ZFP90: variants seen among roughly 807,000 people sequenced by gnomAD.
The protein encoded by ZFP90 is ZFP90 zinc finger protein, also known as zinc finger protein 90 homolog.
Under a neutral mutation model 60.8 loss-of-function variants are expected in ZFP90, and 38 were observed. The ratio of observed to expected loss-of-function variants is 0.62; its 90% CI spans 0.48 to 0.82. ZFP90 has a LOEUF of 0.82. Ranked by LOEUF, ZFP90 falls within the 40% of genes least tolerant of loss-of-function variation. The pLI, the probability that ZFP90 is intolerant of heterozygous loss-of-function variation, is 0.00. For synonymous variants in ZFP90, 287 were observed against 264.8 expected (o/e 1.08, Z -0.82); for missense variants, 711 against 759.1 (o/e 0.94, Z 0.74).
chr16:68,534,220 A>ATT (rs369277075), intron 2 of ZFP90, among the ~76,000 whole-genome samples: 1 of 47,312 alleles, frequency 2.1e-5, no homozygotes, highest in Non-Finnish European at 4.4e-5. Context: ...TAACTTAAAG[A>ATT]TTTTCTTTCT....
chr16:68,566,091 C>G lies in ZFP90; in HGVS notation c.*1393C>G. The G allele has an allele frequency of 2.0e-6, 2 of 979,004 alleles. No homozygotes were observed. The highest frequency in any genetic ancestry group is 2.4e-6 in the Non-Finnish European group (2 of 824,342). The allele number at this position is 979,004 out of a possible 1,614,324, so 60.6% of individuals were successfully genotyped here. On this transcript the variant is annotated 3_prime_UTR_variant, in exon 5 of 5. Coordinates refer to ENST00000563169, the MANE Select transcript of ZFP90 (RefSeq NM_001305203.2). ...GAGACTGCAGTGAGCTGAGATCACA[C>G]TACTGCATTCCAGCCTGAGCAACAG...
At chr16:68,558,722 A>G (rs140997936) in intron 4 of ZFP90, among the ~76,000 whole-genome samples, 154 bp downstream of exon 4, 202 of 152,276 alleles carry the variant, frequency 1.3e-3, no homozygotes, top group Middle Eastern at 0.01. Flanking sequence ...GTCTCTCTTC[A>G]AAAGGGTGCT....
Position 68,563,692 on chromosome 16 carries a change from A to G in ZFP90, c.905A>G (p.Asn302Ser), listed in dbSNP as rs1455983722. ...AGCTCATCTCTTGGTCAGCATGAGA[A>G]TGCTCATACCGGAGAGAAACCCTAT... ...RHSSSLGQHE[N>S]AHTGEKPYQC... Residue 302 changes from asparagine to serine, a missense_variant, in exon 5 of 5, where the codon AAT becomes AGT. Around this residue, in one of 5 missense-constraint regions of ZFP90, gnomAD observed 146 missense variants for 201.4 expected, o/e 0.73. Coordinates refer to ENST00000563169, the MANE Select transcript of ZFP90 (RefSeq NM_001305203.2). The G allele has an allele frequency of 1.2e-6, 2 of 1,614,100 alleles. No individual in the cohort carries two copies. Among genetic ancestry groups the G allele is most frequent in the Admixed American group, 1.7e-5 (1 of 59,998 alleles).
intron 2 of ZFP90, 68 bp downstream of exon 2, chr16:68,539,893 T>G (rs1432565410): frequency 1.3e-6 from 2 of 1,561,266 alleles, no homozygotes; most frequent in Non-Finnish European, 1.7e-6. Context: ...CAAGGGTGTT[T>G]GGAGCAGTCA....
intron 2 of ZFP90, among the ~76,000 whole-genome samples, chr16:68,542,748 A>AG: frequency 6.6e-6 from 1 of 152,280 alleles, no homozygotes; most frequent in East Asian, 1.9e-4. Context: ...GGAGAATAGA[A>AG]GGAGTTTGGA....
chr16:68,552,602 G>T (rs1039600742), intron 2 of ZFP90, among the ~76,000 whole-genome samples: 1 of 152,170 alleles, frequency 6.6e-6, no homozygotes, highest in Non-Finnish European at 1.5e-5. Flanking sequence ...GAACGTTCTG[G>T]TTTCAAGGAG....
downstream of ZFP90, among the ~76,000 whole-genome samples, chr16:68,569,230 A>G (rs2091554733): frequency 6.9e-6 from 1 of 144,428 alleles, no homozygotes; most frequent in Admixed American, 7.4e-5. Flanking sequence ...TCCGCCTACC[A>G]GGTTGAAGCA....
At chr16:68,541,669 A>C (rs1162665741) in intron 2 of ZFP90, among the ~76,000 whole-genome samples, 1 of 152,136 alleles carries the variant, frequency 6.6e-6, no homozygotes, top group Non-Finnish European at 1.5e-5. Flanking sequence ...AAGGAGTAAG[A>C]CACCTGCCAA....
chr16:68,565,849 G>A lies in ZFP90; in HGVS notation c.*1151G>A, dbSNP rs1026009057. 4.1e-6 allele frequency: 4 copies of A among 985,156 alleles called. No homozygotes were observed. The African/African-American group carries it at 7.0e-5, about 17-fold the overall frequency. 61.0% of individuals were successfully genotyped at this position (985,156 alleles called of 1,614,324 possible). A position where few individuals can be genotyped will look rare whatever the true frequency, so the allele number is the denominator to read the frequency against. ...CCATTAAAAAAATTAACTTGGCTAG[G>A]TATGGTGTCTCACACCTGTAATCCC... On this transcript the variant is annotated 3_prime_UTR_variant, in exon 5 of 5. Transcript: ENST00000563169.
intron 1 of ZFP90, among the ~76,000 whole-genome samples, chr16:68,533,513 C>T (rs931607468): frequency 6.6e-6 from 1 of 152,116 alleles, no homozygotes; most frequent in African/African-American, 2.4e-5. Flanking sequence ...TATATGACTG[C>T]ATGTGGAATC....
At chr16:68,567,799 T>C (rs1345997927), downstream of ZFP90, among the ~76,000 whole-genome samples, 1 of 152,206 alleles carries the variant, frequency 6.6e-6, no homozygotes, top group Non-Finnish European at 1.5e-5. Context: ...ATGTATGATA[T>C]ACTTTTACCT....
intron 2 of ZFP90, among the ~76,000 whole-genome samples, chr16:68,548,645 C>G (rs2091198980): frequency 6.6e-6 from 1 of 151,976 alleles, no homozygotes; most frequent in African/African-American, 2.4e-5. Flanking sequence ...CATGCACCTC[C>G]ACACCCGGCT....
chr16:68,558,911 C>A (rs1242486681), intron 4 of ZFP90, among the ~76,000 whole-genome samples: 2 of 152,150 alleles, frequency 1.3e-5, no homozygotes, highest in Non-Finnish European at 2.9e-5. Flanking sequence ...GCTGCTTTCA[C>A]TGTCAGATGC....
chr16:68,554,179 T>TG (rs1276169785), intron 2 of ZFP90, among the ~76,000 whole-genome samples: 3 of 151,594 alleles, frequency 2.0e-5, no homozygotes, highest in Non-Finnish European at 4.4e-5. Flanking sequence ...TGGAGTGCAG[T>TG]GGTGGTGTCT....
rs2091526311 is a variant in ZFP90 at position 68,566,336 on chromosome 16, G to C, written c.*1638G>C. On this transcript the variant is annotated 3_prime_UTR_variant, in exon 5 of 5. Coordinates refer to ENST00000563169, the MANE Select transcript of ZFP90 (RefSeq NM_001305203.2). ...TTTTACACAAGAGCTGCCTCCCAAA[G>C]ATAGATAAATTTTCCCAGCCCTAAA... 1.0e-6 allele frequency: 1 copy of C among 984,010 alleles called. No individual in the cohort carries two copies. The highest frequency in any genetic ancestry group is 1.1e-4 in the East Asian group (1 of 8,948). The allele number at this position is 984,010 out of a possible 1,614,324, so 61.0% of individuals were successfully genotyped here. A position where few individuals can be genotyped will look rare whatever the true frequency, so the allele number is the denominator to read the frequency against.
At chr16:68,558,852 G>T (rs1056658807) in intron 4 of ZFP90, among the ~76,000 whole-genome samples, 1 of 152,012 alleles carries the variant, frequency 6.6e-6, no homozygotes, top group East Asian at 1.9e-4. Flanking sequence ...TTGAACTCCC[G>T]TATCTCTTTG....
At chr16:68,571,945 A>G (rs1490148679), downstream of ZFP90, among the ~76,000 whole-genome samples, 1 of 152,212 alleles carries the variant, frequency 6.6e-6, no homozygotes, top group Non-Finnish European at 1.5e-5. Context: ...TATTTGCAAG[A>G]GTTGGTGGAA....
At chr16:68,558,640 T>C (rs1322117031) in intron 4 of ZFP90, 72 bp downstream of exon 4, 15 of 1,387,228 alleles carry the variant, frequency 1.1e-5, no homozygotes, top group Non-Finnish European at 1.5e-5. Flanking sequence ...GGAGATACCC[T>C]CCAGCAGCTG....
upstream of ZFP90, among the ~76,000 whole-genome samples, chr16:68,534,545 TG>T (rs2090947747): frequency 6.6e-6 from 1 of 151,668 alleles, no homozygotes; most frequent in Non-Finnish European, 1.5e-5. Flanking sequence ...AAATTCTATT[TG>T]GTTCTTAAGA....
Sources: allele counts gnomAD v4.1 joint callset (sites outside exome capture counted in the v4.1 genomes callset), GRCh38; gene constraint gnomAD v4.1.1; regional missense constraint gnomAD v4.1.1; transcripts MANE v1.5; gene names NCBI Gene and HGNC (gene_info 2026-07-23, HGNC 2026-07-21).